CCNH: variants seen among roughly 807,000 people sequenced by gnomAD.
CCNH encodes the protein cyclin-H.
A neutral mutation model predicts 41.9 loss-of-function variants in CCNH; 31 were observed. The observed-to-expected ratio is 0.74, with a 90% CI of 0.56 to 1.00. The LOEUF is 1.00. Among genes scored for constraint, CCNH ranks in the 50% least tolerant of loss-of-function variants. CCNH has a pLI of 0.00. For missense variants in CCNH, 362 were observed against 388.4 expected (o/e 0.93, Z 0.57); for synonymous variants, 138 against 136.1 (o/e 1.01, Z -0.10).
intron 1 of CCNH, 28 bp from the exon 2 acceptor site, chr5:87,411,374 T>G: frequency 1.9e-6 from 3 of 1,565,330 alleles, no homozygotes; most frequent in Non-Finnish European, 2.6e-6. Context: ...CAACACAAGT[T>G]CAATGAATTC....
intron 9 of CCNH, among the ~76,000 whole-genome samples, chr5:87,337,355 T>G (rs1239036126): frequency 6.6e-6 from 1 of 152,062 alleles, no homozygotes; most frequent in African/African-American, 2.4e-5. Context: ...TTTCTCATAA[T>G]ATATCCCTTG....
intron 7 of CCNH, among the ~76,000 whole-genome samples, 153 bp from the exon 8 acceptor site, chr5:87,395,257 A>C (rs1409028930): frequency 2.0e-5 from 3 of 152,232 alleles, no homozygotes; most frequent in Non-Finnish European, 4.4e-5. Context: ...TGGGGTAGGG[A>C]AAATGATACT....
intron 7 of CCNH, among the ~76,000 whole-genome samples, chr5:87,395,854 C>G (rs1403667738): frequency 1.3e-5 from 2 of 152,012 alleles, no homozygotes; most frequent in Non-Finnish European, 2.9e-5. Context: ...ACCTGGATGA[C>G]AGAGAGAAGA....
intron 9 of CCNH, among the ~76,000 whole-genome samples, chr5:87,346,450 TGTA>T (rs1184335072): frequency 1.3e-5 from 2 of 151,890 alleles, no homozygotes; most frequent in Non-Finnish European, 2.9e-5. Context: ...TAATGAAAAT[TGTA>T]GTTTATATTT....
At chr5:87,391,283 T>C (rs916766339), downstream of CCNH, 2 of 378,064 alleles carry the variant, frequency 5.3e-6, no homozygotes, top group Non-Finnish European at 9.8e-6. Context: ...CACATTCTTA[T>C]TGACAATTGT....
intron 9 of CCNH, among the ~76,000 whole-genome samples, chr5:87,354,369 A>C (rs1025029184): frequency 1.3e-5 from 2 of 152,088 alleles, no homozygotes; most frequent in East Asian, 3.8e-4. Flanking sequence ...CATTTTGGTA[A>C]TTCTTAAAAT....
At chr5:87,379,364 A>G (rs1303727650), upstream of CCNH, among the ~76,000 whole-genome samples, 2 of 152,150 alleles carry the variant, frequency 1.3e-5, no homozygotes, top group East Asian at 3.9e-4. Flanking sequence ...ACTAGATCAG[A>G]AGGGTTACAG....
chr5:87,328,348 G>A (rs373091723), intron 9 of CCNH, among the ~76,000 whole-genome samples: 21 of 151,728 alleles, frequency 1.4e-4, no homozygotes, highest in Admixed American at 5.3e-4. Flanking sequence ...ATTTGAAAAC[G>A]GTCACCAGCA....
At chr5:87,389,623 T>C (rs538416197), downstream of CCNH, 17 of 1,501,338 alleles carry the variant, frequency 1.1e-5, no homozygotes, top group African/African-American at 2.2e-4. Context: ...TTTTATCTTG[T>C]TACATTAAAT....
intron 9 of CCNH, chr5:87,363,563 A>T: frequency 6.5e-7 from 1 of 1,549,462 alleles, no homozygotes; most frequent in Non-Finnish European, 8.9e-7. Context: ...AATAGTACAA[A>T]CAAAGCAAAC....
chr5:87,331,182 A>T, intron 9 of CCNH: 1 of 949,440 alleles, frequency 1.1e-6, no homozygotes, highest in Non-Finnish European at 1.7e-6. Context: ...ATTTTTTGAG[A>T]CTGAGGTTAA....
chr5:87,378,825 AGCGTGC>A (rs2112496502), upstream of CCNH, among the ~76,000 whole-genome samples: 1 of 152,324 alleles, frequency 6.6e-6, no homozygotes, highest in African/African-American at 2.4e-5. Context: ...ACTTACAGAA[AGCGTGC>A]ATAAGATAAA....
downstream of CCNH, among the ~76,000 whole-genome samples, chr5:87,388,857 A>G (rs1320102091): frequency 7.2e-5 from 11 of 152,194 alleles, no homozygotes; most frequent in Admixed American, 5.2e-4. Context: ...ATTAGCAGTT[A>G]ACCTACACTA....
chr5:87,334,013 A>C (rs1419032705), intron 9 of CCNH, among the ~76,000 whole-genome samples: 1 of 152,164 alleles, frequency 6.6e-6, no homozygotes, highest in Non-Finnish European at 1.5e-5. Flanking sequence ...TTAGGACAGC[A>C]GTTCTGTAAG....
intron 1 of CCNH, 170 bp downstream of exon 1, chr5:87,412,508 T>C: frequency 1.4e-6 from 2 of 1,435,078 alleles, no homozygotes; most frequent in South Asian, 1.5e-5. Flanking sequence ...TGTTCGTCTT[T>C]GTACCCACGG....
chr5:87,316,442 A>C (rs1366218136), downstream of CCNH, among the ~76,000 whole-genome samples: 9 of 152,340 alleles, frequency 5.9e-5, no homozygotes, highest in Non-Finnish European at 1.0e-4. Flanking sequence ...ACAATCACAA[A>C]AATACTTCAC....
chr5:87,395,010 ATAACT>A, intron 8 of CCNH, 29 bp downstream of exon 8: 1 of 1,612,118 alleles, frequency 6.2e-7, no homozygotes, highest in East Asian at 2.2e-5. Context: ...TATAACAAAA[ATAACT>A]TAGAGTTCAT....
At chr5:87,391,735 A>C (rs182603054), downstream of CCNH, 4 of 232,644 alleles carry the variant, frequency 1.7e-5, no homozygotes, top group African/African-American at 8.8e-5. Context: ...TATTTGTGCT[A>C]CCCCTTTGAT....
At chr5:87,392,608 T>C (rs1471695018), downstream of CCNH, 2 of 260,508 alleles carry the variant, frequency 7.7e-6, no homozygotes, top group East Asian at 2.1e-4. Flanking sequence ...CTGTGCACTT[T>C]GGCTCCCATT....
Sources: gnomAD v4.1 joint callset for allele counts (sites outside exome capture counted in the v4.1 genomes callset) on GRCh38, gnomAD v4.1.1 for gene constraint, MANE v1.5 for transcripts, NCBI Gene and HGNC (gene_info 2026-07-23, HGNC 2026-07-21) for gene names.